The following PRPF4 variants were observed in gnomAD, a reference collection of about 807,000 sequenced individuals.
The protein encoded by PRPF4 is U4/U6 small nuclear ribonucleoprotein Prp4.
PRPF4 carries 14 observed loss-of-function variants against 72.2 expected under a neutral mutation model. That is an observed-to-expected ratio of 0.19 (90% CI 0.13 to 0.30). The LOEUF is 0.30. PRPF4 is among the 10% of genes least tolerant of loss of function. The pLI is 1.00. For synonymous variants in PRPF4, 225 were observed against 232.2 expected (o/e 0.97, Z 0.28); for missense variants, 478 against 653.9 (o/e 0.73, Z 2.93).
intron 3 of PRPF4, 21 bp downstream of exon 3, chr9:113,279,152 C>CT (rs769731157): frequency 2.6e-5 from 41 of 1,585,558 alleles, no homozygotes; most frequent in African/African-American, 5.5e-5. Context: ...TAAATATTTA[C>CT]TTTTTTTCTT....
At chr9:113,284,572 G>A (rs954348793) in intron 7 of PRPF4, among the ~76,000 whole-genome samples, 183 bp downstream of exon 7, 7 of 152,096 alleles carry the variant, frequency 4.6e-5, no homozygotes, top group African/African-American at 9.7e-5. Context: ...TGGTTTAGCC[G>A]TTCTCGCTCT....
chr9:113,286,874 A>G (rs778902063), intron 9 of PRPF4, 46 bp downstream of exon 9: 10 of 1,612,790 alleles, frequency 6.2e-6, no homozygotes, highest in Admixed American at 1.7e-5. Flanking sequence ...ACTAAAGTAG[A>G]TGTTTGATTG....
rs1465630753 is a variant in PRPF4, at chr9:113,290,730, C to T, written c.1176C>T (p.Asp392=). Reference sequence around the variant, plus strand: ...TGGATGCATTTGGTCGAGTTTGGGACCTACGCACAGGACGTTGTATCATGT... The same window carrying T: ...TGGATGCATTTGGTCGAGTTTGGGATCTACGCACAGGACGTTGTATCATGT... ...GGLDAFGRVW[D]LRTGRCIMFL... Residue 392 remains aspartate (D), a synonymous_variant, in exon 12 of 14, where the codon GAC becomes GAT. Transcript: ENST00000374198. The T allele has an allele frequency of 4.3e-6, 7 of 1,614,096 alleles. No homozygotes were observed. Among genetic ancestry groups the T allele is most frequent in the South Asian group, 1.1e-5 (1 of 91,074 alleles).
chr9:113,279,425 G>A (rs1352884268), intron 3 of PRPF4, among the ~76,000 whole-genome samples: 4 of 152,074 alleles, frequency 2.6e-5, no homozygotes, highest in African/African-American at 4.8e-5. Flanking sequence ...GTGCAGCGTC[G>A]TGATCTCGGC....
Position 113,291,610 on chromosome 9 carries a change from A to G in PRPF4, c.1516A>G (p.Ile506Val). 6.2e-7 allele frequency: 1 copy of G among 1,613,972 alleles called. No homozygotes were observed. The highest frequency in any genetic ancestry group is 8.5e-7 in the Non-Finnish European group (1 of 1,179,830). The stretch of plus-strand genomic sequence containing the variant: ...AGATATTTCTTCCGATGGGCAGCTC[A>G]TAGCCACTTGCTCATATGACAGGAC... ...GLDISSDGQL[I>V]ATCSYDRTFK... Residue 506 changes from isoleucine (I) to valine (V), a missense_variant, in exon 14 of 14, where the codon ATA (isoleucine) becomes GTA (valine). Physicochemically the swap from Ile to Val is conservative, Grantham distance 29. Transcript: ENST00000374198.
intron 9 of PRPF4, 44 bp from the exon 10 acceptor site, chr9:113,288,131 T>C (rs1282347217): frequency 6.3e-7 from 1 of 1,585,822 alleles, no homozygotes; most frequent in Non-Finnish European, 8.6e-7. Context: ...TTTGTGACTA[T>C]TTATATGTCT....
intron 9 of PRPF4, among the ~76,000 whole-genome samples, chr9:113,287,752 C>T (rs529891680): frequency 1.9e-4 from 29 of 152,278 alleles, no homozygotes; most frequent in Middle Eastern, 3.4e-3. Flanking sequence ...TTTTTAATTG[C>T]GTTCCTTAGA....
chr9:113,288,936 G>A (rs1832530820), intron 10 of PRPF4, among the ~76,000 whole-genome samples: 1 of 152,128 alleles, frequency 6.6e-6, no homozygotes, highest in African/African-American at 2.4e-5. Context: ...TATTTTAAGT[G>A]TACAATGCTG....
chr9:113,283,098 G>C (rs370892852), intron 4 of PRPF4, 34 bp from the exon 5 acceptor site: 8 of 1,614,096 alleles, frequency 5.0e-6, no homozygotes, highest in African/African-American at 1.3e-5. Context: ...GAATGCTTCA[G>C]ATTTGACCTT....
intron 3 of PRPF4, among the ~76,000 whole-genome samples, chr9:113,280,131 AG>A (rs1431117005): frequency 1.3e-5 from 2 of 152,144 alleles, no homozygotes; most frequent in African/African-American, 2.4e-5. Context: ...ACCTTTACTA[AG>A]AATAGCCCTA....
In PRPF4 at chr9:113,290,947, C is replaced by A. The variant is rs1191717636; in HGVS notation, c.1303C>A (p.Leu435Ile). 11 of 1,614,194 alleles carry A rather than the reference C, an allele frequency of 6.8e-6. No individual in the cohort carries two copies. The highest frequency in any genetic ancestry group is 9.3e-6 in the Non-Finnish European group (11 of 1,180,028). ...SGDNTCKVWD[L>I]RQRRCVYTIP... ...TGACAACACCTGCAAAGTGTGGGACCTCCGACAGCGGCGTTGCGTCTACAC... is the reference window on the plus strand; with the variant it reads ...TGACAACACCTGCAAAGTGTGGGACATCCGACAGCGGCGTTGCGTCTACAC... The change falls in exon 13 of 14, where the codon CTC becomes ATC. Residue 435 changes from leucine (L) to isoleucine (I), a missense_variant. Physicochemically the swap from Leu to Ile is conservative, Grantham distance 5. Coordinates refer to ENST00000374198, the MANE Select transcript of PRPF4 (RefSeq NM_001244926.2).
At position 113,291,871 on chromosome 9, in the gene PRPF4, A is replaced by G; in HGVS notation, c.*211A>G. On this transcript the variant is annotated 3_prime_UTR_variant, in exon 14 of 14. Coordinates refer to ENST00000374198, the MANE Select transcript of PRPF4 (RefSeq NM_001244926.2). ...GAACCCCTCTCACGGTTGAAAATTT[A>G]TTACCTTTTTACGCCCTGCCACGAA... 1.9e-6 allele frequency: 1 copy of G among 533,686 alleles called. No individual in the cohort carries two copies. Among genetic ancestry groups the G allele is most frequent in the East Asian group, 3.2e-5 (1 of 30,928 alleles). 33.1% of individuals were successfully genotyped at this position (533,686 alleles called of 1,614,324 possible).
Position 113,282,635 on chromosome 9 carries a change from T to G in PRPF4, c.393-11T>G. 1 of 1,565,198 alleles carries G rather than the reference T, an allele frequency of 6.4e-7. No individual in the cohort carries two copies. The highest frequency in any genetic ancestry group is 8.7e-7 in the Non-Finnish European group (1 of 1,153,384). ...TGTTTAAATTCTGATCTTTTTTTTTTTTTTTAACAGGTTAAGAAATATCCT... is the reference window on the plus strand; with the variant it reads ...TGTTTAAATTCTGATCTTTTTTTTTGTTTTTAACAGGTTAAGAAATATCCT... On this transcript the variant is annotated splice_polypyrimidine_tract_variant and intron_variant, in intron 3 of 13. Coordinates refer to ENST00000374198, the MANE Select transcript of PRPF4 (RefSeq NM_001244926.2).
At chr9:113,282,798 T>G in intron 4 of PRPF4, 65 bp downstream of exon 4, 2 of 1,336,250 alleles carry the variant, frequency 1.5e-6, no homozygotes, top group Non-Finnish European at 2.1e-6. Flanking sequence ...TCTCTCGTTT[T>G]CTGCTTTCAA....
intron 3 of PRPF4, among the ~76,000 whole-genome samples, chr9:113,280,575 C>G (rs1047375911): frequency 6.6e-6 from 1 of 152,216 alleles, no homozygotes; most frequent in African/African-American, 2.4e-5. Context: ...TTTGCTCTAT[C>G]TTTACTGCTT....
At chr9:113,277,488 G>A (rs1319413121) in intron 2 of PRPF4, among the ~76,000 whole-genome samples, 1 of 151,720 alleles carries the variant, frequency 6.6e-6, no homozygotes, top group Non-Finnish European at 1.5e-5. Flanking sequence ...TGTGTTCAAG[G>A]GATTCTCCTG....
Position 113,290,689 on chromosome 9 carries a change from T to C in PRPF4, c.1146-11T>C. The C allele has an allele frequency of 1.2e-6, 2 of 1,614,184 alleles. No individual in the cohort carries two copies. Among genetic ancestry groups the C allele is most frequent in the Non-Finnish European group, 1.7e-6 (2 of 1,180,030 alleles). On this transcript the variant is annotated splice_polypyrimidine_tract_variant and intron_variant, in intron 11 of 13. Coordinates refer to ENST00000374198, the MANE Select transcript of PRPF4 (RefSeq NM_001244926.2). The stretch of plus-strand genomic sequence containing the variant: ...GGATTCAAAGTGTTCATTTCTAAAT[T>C]ATTTTCTCAGGGGACTGGATGCATT...
chr9:113,284,323 G>A lies in PRPF4; in HGVS notation c.683G>A (p.Gly228Glu). Residue 228 changes from glycine to glutamate, a missense_variant, in exon 7 of 14, where the codon GGG (glycine) becomes GAG (glutamate). Gly to Glu is a moderately conservative substitution (Grantham distance 98). Coordinates refer to ENST00000374198, the MANE Select transcript of PRPF4 (RefSeq NM_001244926.2). Reference sequence around the variant, plus strand: ...TTGAATAATTTTTGCAGTCAGATTGGGGATGATCGGCCTATCTCCTACTGT... The same window carrying A: ...TTGAATAATTTTTGCAGTCAGATTGAGGATGATCGGCCTATCTCCTACTGT... ...RSLNNFCSQI[G>E]DDRPISYCHF... 8.7e-6 allele frequency: 14 copies of A among 1,612,752 alleles called. No homozygotes were observed. Among genetic ancestry groups the A allele is most frequent in the Non-Finnish European group, 1.2e-5 (14 of 1,178,902 alleles).
intron 2 of PRPF4, among the ~76,000 whole-genome samples, chr9:113,277,535 G>A (rs1212672080): frequency 6.6e-6 from 1 of 151,820 alleles, no homozygotes; most frequent in East Asian, 1.9e-4. Flanking sequence ...ACAGGTGCCC[G>A]CCACCACACC....
Sources: allele counts gnomAD v4.1 joint callset (sites outside exome capture counted in the v4.1 genomes callset), GRCh38; gene constraint gnomAD v4.1.1; transcripts MANE v1.5; gene names NCBI Gene and HGNC (gene_info 2026-07-23, HGNC 2026-07-21).